The following TAFA2 variants were observed in gnomAD, a reference collection of about 807,000 sequenced individuals.
The protein encoded by TAFA2 is chemokine-like protein TAFA-2.
Under a neutral mutation model 18.8 loss-of-function variants are expected in TAFA2, and 7 were observed. That is an observed-to-expected ratio of 0.37 (90% confidence interval 0.21 to 0.70). The LOEUF (loss-of-function observed/expected upper bound fraction) is 0.70. Among genes scored for constraint, TAFA2 ranks in the 30% least tolerant of loss-of-function variants. The probability of loss-of-function intolerance (pLI) is 0.53; values close to 1 mark genes in which losing one functional copy is unlikely to be tolerated. For synonymous variants in TAFA2, 60 were observed against 54.2 expected (o/e 1.11, Z -0.47); for missense variants, 122 against 158.1 (o/e 0.77, Z 1.23).
chr12:61,733,485 A>C (rs1355504669), intron 4 of TAFA2, among the ~76,000 whole-genome samples: 3 of 151,550 alleles, frequency 2.0e-5, no homozygotes, highest in African/African-American at 4.9e-5. Flanking sequence ...TCAGCTTTCT[A>C]CATATGGCTA....
chr12:62,200,002 T>C (rs1592397487), intron 1 of TAFA2, among the ~76,000 whole-genome samples: 1 of 152,212 alleles, frequency 6.6e-6, no homozygotes, highest in East Asian at 1.9e-4. Flanking sequence ...TCTCTAATGA[T>C]CAGTGATGTT....
In TAFA2 at chr12:61,774,223, T is replaced by C. The variant is rs568302668; in HGVS notation, c.107-19199A>G. 4.6e-5 allele frequency among the ~76,000 whole-genome samples: 7 copies of C among 152,112 alleles called. No homozygotes were observed. In the East Asian group the frequency reaches 9.7e-4, roughly 21 times the overall value. On this transcript the variant is annotated intron_variant, in intron 2 of 4. Coordinates refer to ENST00000416284, the MANE Select transcript of TAFA2 (RefSeq NM_178539.5). ...TGAAAAGGGAACACTTTTACACTGC[T>C]AGTGGAAATGTAAACTAGTATAACC...
intron 1 of TAFA2, among the ~76,000 whole-genome samples, chr12:61,940,739 G>A (rs1224467562): frequency 6.6e-6 from 1 of 152,138 alleles, no homozygotes; most frequent in Non-Finnish European, 1.5e-5. Context: ...TGCCACTTGA[G>A]GAAAGGTCTG....
chr12:61,943,852 A>C (rs1303578108), intron 1 of TAFA2, among the ~76,000 whole-genome samples: 1 of 129,224 alleles, frequency 7.7e-6, no homozygotes, highest in African/African-American at 3.0e-5. Flanking sequence ...CACATTAATA[A>C]TGGGAGACTT....
chr12:62,210,304 T>G (rs980044802), intron 1 of TAFA2, among the ~76,000 whole-genome samples: 7 of 152,184 alleles, frequency 4.6e-5, no homozygotes, highest in African/African-American at 1.7e-4. Flanking sequence ...TTCATTGTTT[T>G]TTCATTTGAC....
At position 61,998,083 on chromosome 12, in the gene TAFA2, G is replaced by C. The variant is rs540921303; in HGVS notation, c.-1-130657C>G. Among the ~76,000 whole-genome samples, 25 of 152,114 alleles carry C rather than the reference G, an allele frequency of 1.6e-4. No homozygotes were observed. The South Asian group carries it at 5.2e-3, about 32-fold the overall frequency. On this transcript the variant is annotated intron_variant, in intron 1 of 4. Transcript: ENST00000416284. ...AAAATCCTAGATACACTGCTCTAAA[G>C]ATTAAAAAATCACAAGGAATTTGAT...
intron 1 of TAFA2, among the ~76,000 whole-genome samples, chr12:62,081,478 T>TTTTGTTTG (rs200158676): frequency 4.6e-5 from 7 of 150,662 alleles, no homozygotes; most frequent in Admixed American, 6.6e-5. Context: ...TTGTTTTTTA[T>TTTTGTTTG]TTTGTTTGTT....
At chr12:61,996,763 G>A (rs1369639362) in intron 1 of TAFA2, among the ~76,000 whole-genome samples, 1 of 152,100 alleles carries the variant, frequency 6.6e-6, no homozygotes, top group African/African-American at 2.4e-5. Context: ...GAAAGCCCTT[G>A]TCTCAGGTTC....
chr12:62,181,180 G>A lies in TAFA2; in HGVS notation c.-2+10079C>T, dbSNP rs372689532. On this transcript the variant is annotated intron_variant, in intron 1 of 4. Coordinates refer to ENST00000416284, the MANE Select transcript of TAFA2 (RefSeq NM_178539.5). ...GAGTCTCTCTCTCACATACACACACGCGTGTGCACACACACATAATTAGAA... is the reference window on the plus strand; with the variant it reads ...GAGTCTCTCTCTCACATACACACACACGTGTGCACACACACATAATTAGAA... 5.9e-5 allele frequency among the ~76,000 whole-genome samples: 9 copies of A among 151,368 alleles called. No homozygotes were observed. In the East Asian group the frequency reaches 9.7e-4, roughly 16 times the overall value.
intron 1 of TAFA2, among the ~76,000 whole-genome samples, chr12:62,046,330 A>G (rs181556401): frequency 2.0e-5 from 3 of 152,120 alleles, no homozygotes; most frequent in Non-Finnish European, 4.4e-5. Context: ...CAAAGATTAA[A>G]GGAAAAAAAG....
chr12:62,020,864 T>A (rs759119576), intron 1 of TAFA2, among the ~76,000 whole-genome samples: 10 of 152,232 alleles, frequency 6.6e-5, no homozygotes, highest in Non-Finnish European at 1.0e-4. Flanking sequence ...TTTTTACATT[T>A]TTAAATGAAT....
intron 2 of TAFA2, among the ~76,000 whole-genome samples, chr12:61,850,587 C>T (rs944835162): frequency 6.6e-6 from 1 of 152,048 alleles, no homozygotes; most frequent in African/African-American, 2.4e-5. Flanking sequence ...AACCCACCAA[C>T]ACCAGGAAAT....
intron 1 of TAFA2, among the ~76,000 whole-genome samples, chr12:62,222,687 T>A (rs374201668): frequency 1.2e-4 from 18 of 151,070 alleles, no homozygotes; most frequent in South Asian, 2.1e-4. Context: ...TTTTTTTTTT[T>A]TTATTTTTAG....
At position 61,880,357 on chromosome 12, in the gene TAFA2, C is replaced by T. The variant is rs555896523; in HGVS notation, c.-1-12931G>A. The T allele has an allele frequency of 1.0e-3, 533 of 511,490 alleles. 3 individuals carry two copies. The highest frequency in any genetic ancestry group is 2.4e-3 in the Middle Eastern group (4 of 1,656). 31.7% of individuals were successfully genotyped at this position (511,490 alleles called of 1,614,324 possible). A position where few individuals can be genotyped will look rare whatever the true frequency, so the allele number is the denominator to read the frequency against. Reference sequence around the variant, plus strand: ...ATGCCGAGAAGCGCAGGGAGCTGGCCATTAAGGATGCCAACACCAAGCTGT... The same window carrying T: ...ATGCCGAGAAGCGCAGGGAGCTGGCTATTAAGGATGCCAACACCAAGCTGT... On this transcript the variant is annotated intron_variant, in intron 1 of 4. Coordinates refer to ENST00000416284, the MANE Select transcript of TAFA2 (RefSeq NM_178539.5).
intron 1 of TAFA2, among the ~76,000 whole-genome samples, chr12:61,982,363 C>T (rs1014637252): frequency 1.5e-4 from 23 of 152,030 alleles, no homozygotes; most frequent in African/African-American, 5.6e-4. Flanking sequence ...GGGTGCAGCA[C>T]ACCAGCATGG....
chr12:61,910,801 A>G (rs1876577742), intron 1 of TAFA2, among the ~76,000 whole-genome samples: 2 of 152,194 alleles, frequency 1.3e-5, no homozygotes, highest in African/African-American at 4.8e-5. Flanking sequence ...TCCTATTCTA[A>G]TTAATTAGTA....
intron 1 of TAFA2, among the ~76,000 whole-genome samples, chr12:62,232,051 G>A (rs551382694): frequency 6.6e-6 from 1 of 152,096 alleles, no homozygotes; most frequent in Non-Finnish European, 1.5e-5. Context: ...TTCCCAATGT[G>A]AGTGCATTTA....
intron 1 of TAFA2, among the ~76,000 whole-genome samples, chr12:61,964,403 T>G (rs938982846): frequency 6.6e-6 from 1 of 151,920 alleles, no homozygotes; most frequent in African/African-American, 2.4e-5. Context: ...ATCTTCCTTC[T>G]ACTGTCTTTC....
intron 1 of TAFA2, among the ~76,000 whole-genome samples, chr12:62,179,115 A>G (rs529063971): frequency 4.6e-5 from 7 of 152,348 alleles, no homozygotes; most frequent in Admixed American, 3.9e-4. Context: ...ATGATTCTGG[A>G]ATGTATTTTG....
Sources: allele counts gnomAD v4.1 joint callset (sites outside exome capture counted in the v4.1 genomes callset), GRCh38; gene constraint gnomAD v4.1.1; transcripts MANE v1.5; gene names NCBI Gene and HGNC (gene_info 2026-07-23, HGNC 2026-07-21).